Variants in HAS3 observed in about 807,000 individuals in gnomAD.
The protein encoded by HAS3 is HA synthase 3.
Under a neutral mutation model 50.3 loss-of-function variants are expected in HAS3, and 27 were observed. The observed-to-expected ratio is 0.54, with a 90% CI of 0.40 to 0.74. HAS3 has a LOEUF of 0.74. HAS3 is among the 30% of genes least tolerant of loss of function. The pLI is 0.00. For missense variants in HAS3, 517 were observed against 742.8 expected (o/e 0.70, Z 3.53); for synonymous variants, 339 against 310.9 (o/e 1.09, Z -0.95).
downstream of HAS3, chr16:69,118,133 A>AAATC: frequency 6.8e-6 from 1 of 148,008 alleles, no homozygotes; most frequent in Admixed American, 8.9e-5. Context: ...CCCCACCCCC[A>AAATC]CCCTAATTCC....
intron 2 of HAS3, among the ~76,000 whole-genome samples, chr16:69,112,995 G>A (rs1180662022): frequency 6.6e-6 from 1 of 152,220 alleles, no homozygotes; most frequent in Non-Finnish European, 1.5e-5. Context: ...TGGGCTGCAG[G>A]TTGTCCAAGG....
At position 69,109,750 on chromosome 16, in the gene HAS3, G is replaced by C; in HGVS notation, c.355G>C (p.Val119Leu). ...CATCTCCTTCCCTGACCTCAAGGTG[G>C]TCATGGTGGTGGATGGCAACCGCCA... Reference protein sequence around the residue: ...QRISFPDLKVVMVVDGNRQED... With the variant: ...QRISFPDLKVLMVVDGNRQED... The change falls in exon 2 of 4, where the codon GTC becomes CTC. Residue 119 changes from valine (V) to leucine (L), a missense_variant. Val to Leu is a conservative substitution (Grantham distance 32). Transcript: ENST00000569188. This position sits in a 1 kb window ranked among gnomAD's most constrained non-coding sequence, Gnocchi z 5.3. 1 of 1,611,630 alleles carries C rather than the reference G, an allele frequency of 6.2e-7. No homozygotes were observed. The highest frequency in any genetic ancestry group is 8.5e-7 in the Non-Finnish European group (1 of 1,180,006).
At position 69,107,659 on chromosome 16, in the gene HAS3, A is replaced by C; in HGVS notation, c.1-1737A>C. 1.0e-6 allele frequency: 1 copy of C among 985,498 alleles called. No individual in the cohort carries two copies. Among genetic ancestry groups the C allele is most frequent in the Non-Finnish European group, 1.2e-6 (1 of 829,994 alleles). The allele number at this position is 985,498 out of a possible 1,614,324, so 61.0% of individuals were successfully genotyped here. On this transcript the variant is annotated intron_variant, in intron 1 of 3. Coordinates refer to ENST00000569188, the MANE Select transcript of HAS3 (RefSeq NM_001199280.2). The surrounding 1 kb of genome is among the most constrained non-coding windows in gnomAD (Gnocchi z 5.5). ...CGCCCCCTTCCCCTACCCAGAGCGC[A>C]GGCAGGCAGGGGGGTCCCGCCGCGC... is the stretch of plus-strand genomic sequence containing the variant.
At chr16:69,100,843 ACT>A (rs753750843), upstream of HAS3, among the ~76,000 whole-genome samples, 3 of 151,564 alleles carry the variant, frequency 2.0e-5, no homozygotes, top group Non-Finnish European at 4.4e-5. Context: ...GGCCCCTTGA[ACT>A]CTCTGCACCG....
At chr16:69,094,456 A>T in the HAS3 span, among the ~76,000 whole-genome samples, 1 of 152,220 alleles carries the variant, frequency 6.6e-6, no homozygotes, top group South Asian at 2.1e-4. Flanking sequence ...AGAGAAGCGA[A>T]TGGGAATGCT....
chr16:69,117,833 A>ATAAC (rs1052716251), downstream of HAS3, among the ~76,000 whole-genome samples: 3 of 152,274 alleles, frequency 2.0e-5, no homozygotes, highest in East Asian at 1.9e-4. Context: ...CTTTGGTGAA[A>ATAAC]TAACTAACTG....
In HAS3 at chr16:69,109,020, G is replaced by A. The variant is rs1016784040; in HGVS notation, c.1-376G>A. 3.3e-5 allele frequency among the ~76,000 whole-genome samples: 5 copies of A among 152,130 alleles called. No homozygotes were observed. Among genetic ancestry groups the A allele is most frequent in the African/African-American group, 1.2e-4 (5 of 41,436 alleles). On this transcript the variant is annotated intron_variant, in intron 1 of 3. Coordinates refer to ENST00000569188, the MANE Select transcript of HAS3 (RefSeq NM_001199280.2). The surrounding 1 kb of genome is among the most constrained non-coding windows in gnomAD (Gnocchi z 5.3). The stretch of plus-strand genomic sequence containing the variant: ...CCCCCTTGAAGCTTACCTCTTCAGC[G>A]CTTTGGGCCAGGTAGAGCCCAGTTC...
At chr16:69,104,992 G>GTTTTTTTTTTTTTTTTTTTTTTT (rs565397720), upstream of HAS3, among the ~76,000 whole-genome samples, 1 of 81,958 alleles carries the variant, frequency 1.2e-5, no homozygotes, top group African/African-American at 4.7e-5. Flanking sequence ...CTGTTTTTTG[G>GTTTTTTTTTTTTTTTTTTTTTTT]TTTTTTTTTT....
chr16:69,110,574 C>T (rs1021471183), intron 2 of HAS3, among the ~76,000 whole-genome samples: 1 of 152,166 alleles, frequency 6.6e-6, no homozygotes, highest in Non-Finnish European at 1.5e-5. Context: ...CATACACCAC[C>T]GCACCCAGCT....
At chr16:69,094,527 G>C in the HAS3 span, among the ~76,000 whole-genome samples, 1 of 152,214 alleles carries the variant, frequency 6.6e-6, no homozygotes, top group African/African-American at 2.4e-5. Flanking sequence ...GTGCTAAGTT[G>C]TGTGTCTTTC....
upstream of HAS3, among the ~76,000 whole-genome samples, chr16:69,100,857 C>T (rs370477512): frequency 2.6e-5 from 4 of 152,158 alleles, no homozygotes; most frequent in Admixed American, 6.6e-5. Flanking sequence ...TCTGCACCGT[C>T]GAGTACTTTT....
chr16:69,116,489 A>G lies in HAS3; in HGVS notation c.*1223A>G, dbSNP rs1177889445. 2 of 985,860 alleles carry G rather than the reference A, an allele frequency of 2.0e-6. No individual in the cohort carries two copies. Among genetic ancestry groups the G allele is most frequent in the East Asian group, 1.1e-4 (1 of 8,814 alleles). The allele number at this position is 985,860 out of a possible 1,614,324, so 61.1% of individuals were successfully genotyped here. ...AATGGAAAGCTTTTCAGTGTTCCCA[A>G]AGTGAACTCTCAAATCCAAAATGGT... On this transcript the variant is annotated 3_prime_UTR_variant, in exon 4 of 4. Transcript: ENST00000569188.
In HAS3 at chr16:69,115,300, G is replaced by A; in HGVS notation, c.*34G>A. The stretch of plus-strand genomic sequence containing the variant: ...CCAAGCAGAGCGGGTAAAGTGCAAT[G>A]GGTAAGGGAGGGAAGGGGAATGGAA... On this transcript the variant is annotated 3_prime_UTR_variant, in exon 4 of 4. Coordinates refer to ENST00000569188, the MANE Select transcript of HAS3 (RefSeq NM_001199280.2). 1 of 1,502,356 alleles carries A rather than the reference G, an allele frequency of 6.7e-7. No individual in the cohort carries two copies. The highest frequency in any genetic ancestry group is 8.9e-7 in the Non-Finnish European group (1 of 1,129,302). 93.1% of individuals were successfully genotyped at this position (1,502,356 alleles called of 1,614,324 possible).
At chr16:69,117,687 T>C, downstream of HAS3, 1 of 965,416 alleles carries the variant, frequency 1.0e-6, no homozygotes. Flanking sequence ...TTGTATTTAA[T>C]GAAAGCTAGC....
At position 69,116,962 on chromosome 16, in the gene HAS3, T is replaced by C. The variant is rs1961209947; in HGVS notation, c.*1696T>C. The stretch of plus-strand genomic sequence containing the variant: ...CGCAAGGTGTGCTCTGAGCCACAGA[T>C]GGGCAAACCCTGGTGCTTTCCTTCA... On this transcript the variant is annotated 3_prime_UTR_variant, in exon 4 of 4. Coordinates refer to ENST00000569188, the MANE Select transcript of HAS3 (RefSeq NM_001199280.2). The C allele has an allele frequency of 5.1e-6, 5 of 985,456 alleles. No individual in the cohort carries two copies. The highest frequency in any genetic ancestry group is 6.0e-6 in the Non-Finnish European group (5 of 829,940). The allele number at this position is 985,456 out of a possible 1,614,324, so 61.0% of individuals were successfully genotyped here. A position where few individuals can be genotyped will look rare whatever the true frequency, so the allele number is the denominator to read the frequency against.
chr16:69,101,396 G>A (rs189284445), upstream of HAS3, among the ~76,000 whole-genome samples: 269 of 152,270 alleles, frequency 1.8e-3, no homozygotes, highest in Non-Finnish European at 3.1e-3. Context: ...CGCCTCCCGG[G>A]TTCAAGGGAT....
In HAS3 at chr16:69,116,484, T is replaced by C; in HGVS notation, c.*1218T>C. ...TCTCCAATGGAAAGCTTTTCAGTGT[T>C]CCCAAAGTGAACTCTCAAATCCAAA... On this transcript the variant is annotated 3_prime_UTR_variant, in exon 4 of 4. Coordinates refer to ENST00000569188, the MANE Select transcript of HAS3 (RefSeq NM_001199280.2). 1.0e-6 allele frequency: 1 copy of C among 985,894 alleles called. No individual in the cohort carries two copies. The highest frequency in any genetic ancestry group is 1.2e-6 in the Non-Finnish European group (1 of 829,926). 61.1% of individuals were successfully genotyped at this position (985,894 alleles called of 1,614,324 possible).
At chr16:69,086,229 C>T in the HAS3 span, among the ~76,000 whole-genome samples, 9 of 148,212 alleles carry the variant, frequency 6.1e-5, no homozygotes, top group Non-Finnish European at 1.2e-4. Context: ...AGTGAAGTGG[C>T]ATAATCATAC....
At chr16:69,090,402 A>G in the HAS3 span, among the ~76,000 whole-genome samples, 1 of 152,134 alleles carries the variant, frequency 6.6e-6, no homozygotes, top group South Asian at 2.1e-4. Flanking sequence ...GTAGTTTGTA[A>G]TATGTGCACT....
Sources: gnomAD v4.1 joint callset for allele counts (sites outside exome capture counted in the v4.1 genomes callset) on GRCh38, gnomAD v4.1.1 for gene constraint, Gnocchi (gnomAD v3.1) non-coding constraint, MANE v1.5 for transcripts, NCBI Gene and HGNC (gene_info 2026-07-23, HGNC 2026-07-21) for gene names.